The following SYNJ1 variants were observed in gnomAD, a reference collection of about 807,000 sequenced individuals.
SYNJ1 encodes the protein polyphosphatidylinositol phosphatase SYNJ1.
SYNJ1 carries 78 observed loss-of-function variants against 168.2 expected under a neutral mutation model. The ratio of observed to expected loss-of-function variants is 0.46; its 90% CI spans 0.39 to 0.56. The LOEUF is 0.56. Among genes scored for constraint, SYNJ1 ranks in the 20% least tolerant of loss-of-function variants. The pLI is 0.00. For missense variants in SYNJ1, 1,303 were observed against 1,597.6 expected, an observed-to-expected ratio of 0.82 and a Z score of 3.14; for synonymous variants, 539 against 548.6, an observed-to-expected ratio of 0.98 and a Z score of 0.24.
Position 32,668,479 on chromosome 21 carries a change from A to G in SYNJ1, c.1811+1809T>C, listed in dbSNP as rs189167840. On this transcript the variant is annotated intron_variant, in intron 15 of 32. Coordinates refer to ENST00000674351, the MANE Select transcript of SYNJ1 (RefSeq NM_203446.3). ...AACCCTCAGAGTTATAGTCTAGTTT[A>G]GGACCTGAATATATTTTTCAGGAAA... is the stretch of plus-strand genomic sequence containing the variant. 1.2e-4 allele frequency among the ~76,000 whole-genome samples: 18 copies of G among 152,358 alleles called. No homozygotes were observed. The East Asian group carries it at 1.7e-3, about 15-fold the overall frequency.
intron 2 of SYNJ1, among the ~76,000 whole-genome samples, chr21:32,720,194 G>A (rs777424702): frequency 7.2e-5 from 11 of 152,102 alleles, no homozygotes; most frequent in South Asian, 2.1e-4. Flanking sequence ...AGCCGAGATC[G>A]CACCATTGCA....
chr21:32,669,554 G>C (rs1427998238), intron 15 of SYNJ1, among the ~76,000 whole-genome samples: 2 of 152,054 alleles, frequency 1.3e-5, no homozygotes, highest in African/African-American at 2.4e-5. Context: ...ATCACGCAAA[G>C]GTAAAAGATG....
At chr21:32,657,945 A>G in intron 18 of SYNJ1, 73 bp from the exon 19 acceptor site, 1 of 1,224,374 alleles carries the variant, frequency 8.2e-7, no homozygotes, top group Non-Finnish European at 1.2e-6. Context: ...ACAGTCATCC[A>G]TTAAATGTCT....
intron 6 of SYNJ1, among the ~76,000 whole-genome samples, chr21:32,691,314 C>A (rs1427761432): frequency 2.0e-5 from 3 of 152,168 alleles, no homozygotes; most frequent in Admixed American, 1.3e-4. Context: ...TGCTCCTGCT[C>A]CCACCATGTG....
At chr21:32,646,263 T>A (rs921365516) in intron 24 of SYNJ1, 130 bp downstream of exon 24, 1 of 879,650 alleles carries the variant, frequency 1.1e-6, no homozygotes, top group Non-Finnish European at 1.8e-6. Context: ...CATCTACAAG[T>A]TTTCCTATTC....
intron 23 of SYNJ1, 35 bp downstream of exon 23, chr21:32,650,149 G>T: frequency 6.4e-7 from 1 of 1,562,684 alleles, no homozygotes; most frequent in South Asian, 1.2e-5. Context: ...AACATATCTA[G>T]AACTACAAGA....
chr21:32,712,796 A>G (rs1008997092), intron 2 of SYNJ1, among the ~76,000 whole-genome samples: 1 of 152,220 alleles, frequency 6.6e-6, no homozygotes, highest in Non-Finnish European at 1.5e-5. Flanking sequence ...GAGGAGGACA[A>G]TGATTAGAAT....
chr21:32,718,752 G>T (rs1432580537), intron 2 of SYNJ1, among the ~76,000 whole-genome samples: 1 of 151,710 alleles, frequency 6.6e-6, no homozygotes, highest in Non-Finnish European at 1.5e-5. Context: ...ACTTGGCCCA[G>T]GAAAGAAACT....
chr21:32,714,011 A>C (rs1569129876), intron 2 of SYNJ1, among the ~76,000 whole-genome samples: 1 of 152,190 alleles, frequency 6.6e-6, no homozygotes, highest in East Asian at 1.9e-4. Flanking sequence ...TTCTCAACCC[A>C]GTTGTGGTAA....
chr21:32,687,548 G>C (rs761510543), intron 7 of SYNJ1, among the ~76,000 whole-genome samples: 4 of 152,168 alleles, frequency 2.6e-5, no homozygotes, highest in Non-Finnish European at 5.9e-5. Context: ...AAACTATGTA[G>C]AGCAATGCCA....
intron 30 of SYNJ1, among the ~76,000 whole-genome samples, 191 bp downstream of exon 30, chr21:32,639,480 C>A (rs1210932224): frequency 6.6e-6 from 1 of 152,176 alleles, no homozygotes; most frequent in Non-Finnish European, 1.5e-5. Context: ...CAGTCTCAAC[C>A]TCCCAGGCTC....
intron 2 of SYNJ1, among the ~76,000 whole-genome samples, chr21:32,706,326 T>C (rs1046005000): frequency 3.9e-5 from 6 of 152,174 alleles, no homozygotes; most frequent in African/African-American, 1.2e-4. Flanking sequence ...TTGGTAAAAA[T>C]TGAAGAGAGG....
At chr21:32,685,224 T>TA (rs1911148329) in intron 9 of SYNJ1, among the ~76,000 whole-genome samples, 1 of 148,880 alleles carries the variant, frequency 6.7e-6, no homozygotes, top group South Asian at 2.1e-4. Flanking sequence ...GCCTGCTCCA[T>TA]AAAATGCGCT....
chr21:32,704,552 T>G (rs1349447960), intron 2 of SYNJ1, among the ~76,000 whole-genome samples: 1 of 152,018 alleles, frequency 6.6e-6, no homozygotes, highest in Non-Finnish European at 1.5e-5. Flanking sequence ...CGTCCACTTG[T>G]GGGAGGGGCC....
intron 32 of SYNJ1, among the ~76,000 whole-genome samples, chr21:32,632,527 A>G (rs1022737222): frequency 1.3e-5 from 2 of 152,080 alleles, no homozygotes; most frequent in African/African-American, 4.8e-5. Context: ...CTGGGACTAC[A>G]GGCGTGTGCC....
At chr21:32,642,038 A>G (rs1442580523) in intron 28 of SYNJ1, 57 bp downstream of exon 28, 2 of 1,613,130 alleles carry the variant, frequency 1.2e-6, no homozygotes, top group Non-Finnish European at 1.7e-6. Flanking sequence ...TTATATTCCA[A>G]GTGTCTATTT....
Position 32,657,805 on chromosome 21 carries a change from T to C in SYNJ1, c.2372A>G (p.Asp791Gly), listed in dbSNP as rs1195357077. The change falls in exon 19 of 33, where the codon GAC becomes GGC. Residue 791 changes from aspartate to glycine, a missense_variant. Physicochemically the swap from Asp to Gly is moderately conservative, Grantham distance 94. Transcript: ENST00000674351. ...GCACTTTTCACTGGTGTCATAGTCG[T>C]CAGAAAACAAGTCATACTTATATGT... The part of the protein sequence containing the change: ...APTYKYDLFS[D>G]DYDTSEKCRT... The C allele has an allele frequency of 5.0e-6, 8 of 1,614,042 alleles. No homozygotes were observed. Among genetic ancestry groups the C allele is most frequent in the Non-Finnish European group, 6.8e-6 (8 of 1,180,006 alleles).
At chr21:32,697,574 G>A (rs2042254347) in intron 4 of SYNJ1, among the ~76,000 whole-genome samples, 1 of 151,990 alleles carries the variant, frequency 6.6e-6, no homozygotes, top group South Asian at 2.1e-4. Context: ...TAAGGTGGGG[G>A]GGATCACTTG....
rs747245690 is a variant in SYNJ1 at position 32,631,067 on chromosome 21, G to A, written c.*738C>T. The A allele has an allele frequency of 7.1e-5, 114 of 1,614,202 alleles. No individual in the cohort carries two copies. Among genetic ancestry groups the A allele is most frequent in the South Asian group, 2.4e-4 (22 of 91,086 alleles). ...TCGTGAAAGGATCTACTGGAGGGCT[G>A]GTGCCGGGCGGGAGCAGAGGGACAG... On this transcript the variant is annotated 3_prime_UTR_variant, in exon 33 of 33. Transcript: ENST00000674351.
Sources: allele counts gnomAD v4.1 joint callset (sites outside exome capture counted in the v4.1 genomes callset), GRCh38; gene constraint gnomAD v4.1.1; transcripts MANE v1.5; gene names NCBI Gene and HGNC (gene_info 2026-07-23, HGNC 2026-07-21).